LHX6: variants seen among roughly 807,000 people sequenced by gnomAD.
The protein encoded by LHX6 is LIM homeobox 6.
LHX6 carries 15 observed loss-of-function variants against 47.1 expected under a neutral mutation model. That is an observed-to-expected ratio of 0.32 (90% CI 0.21 to 0.49). The LOEUF (loss-of-function observed/expected upper bound fraction) is 0.49, where lower values mean the gene tolerates loss of function less well. LHX6 is among the 20% of genes least tolerant of loss of function. LHX6 has a pLI of 0.99. For synonymous variants in LHX6, 242 were observed against 233.5 expected (o/e 1.04, Z -0.33); for missense variants, 404 against 539.6 (o/e 0.75, Z 2.49).
At chr9:122,228,364 T>C in intron 1 of LHX6, 2 of 1,529,130 alleles carry the variant, frequency 1.3e-6, no homozygotes, top group Non-Finnish European at 8.7e-7. Flanking sequence ...GCATCGGCGC[T>C]ATCAGCGCCT....
At chr9:122,227,768 A>G (rs1588367499) in intron 1 of LHX6, 2 of 451,810 alleles carry the variant, frequency 4.4e-6, no homozygotes, top group Non-Finnish European at 7.4e-6. Flanking sequence ...CTGAGGGGGG[A>G]AGAAAAACAC....
At position 122,202,978 on chromosome 9, in the gene LHX6, A is replaced by G. The variant is rs542888720; in HGVS notation, c.*1782T>C. 1 of 152,532 alleles carries G rather than the reference A, an allele frequency of 6.6e-6. No homozygotes were observed. Among genetic ancestry groups the G allele is most frequent in the Admixed American group, 6.5e-5 (1 of 15,302 alleles). The allele number at this position is 152,532 out of a possible 1,614,324, so 9.4% of individuals were successfully genotyped here. ...GAGCAAAAATCAAAGGAAAGATTTG[A>G]GCTCCAAGGCCAGGAATTGGGCCCT... On this transcript the variant is annotated 3_prime_UTR_variant, in exon 10 of 10. Transcript: ENST00000394319.
At chr9:122,207,556 T>C (rs930182095) in intron 9 of LHX6, among the ~76,000 whole-genome samples, 1 of 152,200 alleles carries the variant, frequency 6.6e-6, no homozygotes, top group Non-Finnish European at 1.5e-5. Flanking sequence ...TTCCTATGGA[T>C]GTGACAGTCT....
intron 1 of LHX6, 170 bp downstream of exon 1, chr9:122,228,487 C>CG (rs1491163806): frequency 8.6e-6 from 9 of 1,044,244 alleles, no homozygotes; most frequent in African/African-American, 7.9e-5. Context: ...CTTTCCGCGA[C>CG]CCCCCCCCCC....
rs1048709687 is a variant in LHX6, at chr9:122,226,130, C to A, written c.461+246G>T. ...CCCGAGACAGAGCCAGAGACGATAC[C>A]GAAACCCAATGGACCGCGAGGACCG... On this transcript the variant is annotated intron_variant, in intron 4 of 9. Transcript: ENST00000394319. The surrounding 1 kb of genome is among the most constrained non-coding windows in gnomAD (Gnocchi z 6.5). Among the ~76,000 whole-genome samples the A allele has an allele frequency of 2.0e-5, 3 of 152,170 alleles. No individual in the cohort carries two copies. The highest frequency in any genetic ancestry group is 7.2e-5 in the African/African-American group (3 of 41,432).
chr9:122,210,432 C>A (rs1830358574), intron 8 of LHX6, among the ~76,000 whole-genome samples: 1 of 152,198 alleles, frequency 6.6e-6, no homozygotes, highest in Non-Finnish European at 1.5e-5. Context: ...CATGACTTTA[C>A]CCATGCCTCT....
Position 122,217,378 on chromosome 9 carries a change from G to T in LHX6, c.462-90C>A. 1 of 1,065,434 alleles carries T rather than the reference G, an allele frequency of 9.4e-7. No individual in the cohort carries two copies. The highest frequency in any genetic ancestry group is 1.4e-6 in the Non-Finnish European group (1 of 737,076). The allele number at this position is 1,065,434 out of a possible 1,614,324, so 66.0% of individuals were successfully genotyped here. On this transcript the variant is annotated intron_variant, in intron 4 of 9. Transcript: ENST00000394319. The surrounding 1 kb of genome is among the most constrained non-coding windows in gnomAD (Gnocchi z 4.9). ...CACCCAATGGCCCGCCAGCCCCCAG[G>T]CTCCTGGCCTCTAAGTCTTCAACTC...
chr9:122,220,657 T>C (rs1830812314), intron 4 of LHX6, among the ~76,000 whole-genome samples: 1 of 152,208 alleles, frequency 6.6e-6, no homozygotes, highest in South Asian at 2.1e-4. Flanking sequence ...GTCCGGGCCT[T>C]GCGTCCCTGG....
chr9:122,212,510 G>T (rs1298681291), intron 8 of LHX6, among the ~76,000 whole-genome samples: 1 of 152,098 alleles, frequency 6.6e-6, no homozygotes, highest in Non-Finnish European at 1.5e-5. Context: ...TGTGTGCATC[G>T]CAGTCATTTA....
At chr9:122,227,274 G>T in intron 2 of LHX6, 135 bp downstream of exon 2, 2 of 971,334 alleles carry the variant, frequency 2.1e-6, no homozygotes, top group Non-Finnish European at 2.9e-6. Context: ...GGAAAACCGA[G>T]GCTCAGAGAG....
intron 1 of LHX6, 183 bp from the exon 2 acceptor site, chr9:122,227,663 AT>A: frequency 7.8e-7 from 1 of 1,289,546 alleles, no homozygotes; most frequent in Admixed American, 3.7e-5. Context: ...AGCAATTTGA[AT>A]TTGGATTGGA....
chr9:122,219,273 A>G (rs987173113), intron 4 of LHX6, among the ~76,000 whole-genome samples: 10 of 152,284 alleles, frequency 6.6e-5, no homozygotes, highest in African/African-American at 2.2e-4. Context: ...GCGCGACAGG[A>G]CCCTTCCGCA....
intron 4 of LHX6, chr9:122,221,242 C>A: frequency 1.0e-6 from 1 of 985,468 alleles, no homozygotes; most frequent in Non-Finnish European, 1.2e-6. Flanking sequence ...AAACCCAGAA[C>A]CAGCAATTAA....
rs1444840512 is a variant in LHX6, at chr9:122,226,155, G to A, written c.461+221C>T. Among the ~76,000 whole-genome samples, 2 of 152,204 alleles carry A rather than the reference G, an allele frequency of 1.3e-5. No homozygotes were observed. The highest frequency in any genetic ancestry group is 4.8e-5 in the African/African-American group (2 of 41,454). On this transcript the variant is annotated intron_variant, in intron 4 of 9. Coordinates refer to ENST00000394319, the MANE Select transcript of LHX6 (RefSeq NM_014368.5). This position sits in a 1 kb window ranked among gnomAD's most constrained non-coding sequence, Gnocchi z 6.5. ...CGAAACCCAATGGACCGCGAGGACCGAAGGCAGATCCGGGGCGCAAACCTG... is the reference window on the plus strand; with the variant it reads ...CGAAACCCAATGGACCGCGAGGACCAAAGGCAGATCCGGGGCGCAAACCTG...
chr9:122,215,028 T>A (rs1830542930), intron 5 of LHX6, among the ~76,000 whole-genome samples: 1 of 152,254 alleles, frequency 6.6e-6, no homozygotes, highest in African/African-American at 2.4e-5. Flanking sequence ...TTTCCACTCA[T>A]ATTACTTTTA....
At chr9:122,220,229 A>T (rs1032282783) in intron 4 of LHX6, among the ~76,000 whole-genome samples, 1 of 152,208 alleles carries the variant, frequency 6.6e-6, no homozygotes, top group Non-Finnish European at 1.5e-5. Flanking sequence ...AACTCTCAGC[A>T]ACTTTCTCAT....
chr9:122,221,651 T>C (rs1054643860), intron 4 of LHX6: 1 of 985,486 alleles, frequency 1.0e-6, no homozygotes, highest in Non-Finnish European at 1.2e-6. Flanking sequence ...GGGACCGCAG[T>C]GACCTGATAT....
At position 122,217,027 on chromosome 9, in the gene LHX6, A is replaced by G; in HGVS notation, c.682+41T>C. ...GTGCTGGGGTGGGGTGGGGTGGGAA[A>G]GGGCTGGGGGCAGAGGTGCCAGGCG... On this transcript the variant is annotated intron_variant, in intron 5 of 9. Coordinates refer to ENST00000394319, the MANE Select transcript of LHX6 (RefSeq NM_014368.5). The surrounding 1 kb of genome is among the most constrained non-coding windows in gnomAD (Gnocchi z 4.9). 1.3e-6 allele frequency: 2 copies of G among 1,564,402 alleles called. No individual in the cohort carries two copies. The highest frequency in any genetic ancestry group is 1.8e-6 in the Non-Finnish European group (2 of 1,138,482).
intron 1 of LHX6, chr9:122,227,738 T>G: frequency 3.3e-6 from 2 of 609,408 alleles, no homozygotes; most frequent in Non-Finnish European, 5.0e-6. Flanking sequence ...AATCGCTTAG[T>G]TCCCTTGCAA....
Sources: allele counts gnomAD v4.1 joint callset (sites outside exome capture counted in the v4.1 genomes callset), GRCh38; gene constraint gnomAD v4.1.1; non-coding constraint Gnocchi (gnomAD v3.1); transcripts MANE v1.5; gene names NCBI Gene and HGNC (gene_info 2026-07-23, HGNC 2026-07-21).